HNRNPL: variants seen among roughly 807,000 people sequenced by gnomAD.
The protein encoded by HNRNPL is heterogeneous nuclear ribonucleoprotein L.
In HNRNPL, 12 loss-of-function variants were observed where a neutral mutation model predicts 64.0. The ratio of observed to expected loss-of-function variants is 0.19; its 90% CI spans 0.12 to 0.30. HNRNPL has a LOEUF of 0.30. Among genes scored for constraint, HNRNPL ranks in the 10% least tolerant of loss-of-function variants. HNRNPL has a pLI of 1.00. For missense variants in HNRNPL, 484 were observed against 797.4 expected, an observed-to-expected ratio of 0.61 and a Z score of 4.73; for synonymous variants, 385 against 313.0, an observed-to-expected ratio of 1.23 and a Z score of -2.43.
chr19:38,850,762 A>G (rs967317368), upstream of HNRNPL, among the ~76,000 whole-genome samples: 1 of 152,188 alleles, frequency 6.6e-6, no homozygotes, highest in Non-Finnish European at 1.5e-5. Context: ...TCTAGGAGGA[A>G]TTGTTAAAAT....
intron 1 of HNRNPL, chr19:38,847,679 A>C (rs1325054878): frequency 3.5e-6 from 1 of 285,438 alleles, no homozygotes; most frequent in African/African-American, 2.2e-5. Flanking sequence ...TGAGGAAGGT[A>C]TAACGGAGGG....
At chr19:38,851,727 G>A (rs1422274607), upstream of HNRNPL, among the ~76,000 whole-genome samples, 1 of 152,182 alleles carries the variant, frequency 6.6e-6, no homozygotes, top group Non-Finnish European at 1.5e-5. Flanking sequence ...TCGCGCCCCT[G>A]CACTCCAGCG....
At chr19:38,846,171 A>C in intron 2 of HNRNPL, 81 bp from the exon 3 acceptor site, 1 of 1,048,322 alleles carries the variant, frequency 9.5e-7, no homozygotes, top group South Asian at 1.3e-5. Flanking sequence ...TTGAGAACTG[A>C]CTCCTCCATG....
At chr19:38,848,689 C>T (rs1015622623) in intron 1 of HNRNPL, among the ~76,000 whole-genome samples, 1 of 152,226 alleles carries the variant, frequency 6.6e-6, no homozygotes, top group African/African-American at 2.4e-5. Flanking sequence ...CTAACTCCAG[C>T]CCTGCCCCTC....
chr19:38,851,505 G>C (rs1165698259), upstream of HNRNPL, among the ~76,000 whole-genome samples: 3 of 152,250 alleles, frequency 2.0e-5, no homozygotes, highest in African/African-American at 4.8e-5. Context: ...TAAAAGCGAA[G>C]CTAGCGTCGT....
At position 38,840,088 on chromosome 19, in the gene HNRNPL, C is replaced by A; in HGVS notation, c.1233+8G>T. 6.2e-7 allele frequency: 1 copy of A among 1,613,178 alleles called. No individual in the cohort carries two copies. The highest frequency in any genetic ancestry group is 1.7e-5 in the Admixed American group (1 of 60,006). On this transcript the variant is annotated splice_region_variant and intron_variant, in intron 8 of 12. Coordinates refer to ENST00000221419, the MANE Select transcript of HNRNPL (RefSeq NM_001533.3). ...GCGAGGAACCCAGGGGGCCCGGCAG[C>A]AGCTCACCTTCTCCACATTGCCATA...
chr19:38,850,709 A>C (rs1406813501), upstream of HNRNPL, among the ~76,000 whole-genome samples: 4 of 152,198 alleles, frequency 2.6e-5, no homozygotes, highest in Non-Finnish European at 5.9e-5. Context: ...AGGAACTCCC[A>C]GGGTATCTCT....
intron 1 of HNRNPL, among the ~76,000 whole-genome samples, chr19:38,848,501 G>T (rs1015656979): frequency 5.9e-5 from 9 of 152,250 alleles, no homozygotes; most frequent in African/African-American, 1.4e-4. Context: ...CTGGTCATCA[G>T]GAGAAAGATT....
At chr19:38,851,388 C>T (rs968349575), upstream of HNRNPL, among the ~76,000 whole-genome samples, 1 of 152,194 alleles carries the variant, frequency 6.6e-6, no homozygotes, top group Non-Finnish European at 1.5e-5. Flanking sequence ...CCCGGGATCC[C>T]GTCCTACGGC....
Position 38,836,730 on chromosome 19 carries a change from C to T in HNRNPL, c.1762G>A (p.Ala588Thr), listed in dbSNP as rs565321846. Residue 588 changes from alanine (A) to threonine (T), a missense_variant, in exon 13 of 13, where the codon GCC (alanine) becomes ACC (threonine). Transcript: ENST00000221419. The stretch of plus-strand genomic sequence containing the variant: ...TCTTCCTAGGCACCTAATTAGGAGG[C>T]GTGCTGAGCAGTGGAGAAACACAAC... ...LKLCFSTAQH[A>T]S is the part of the protein sequence containing the mutation. 7 of 1,608,272 alleles carry T rather than the reference C, an allele frequency of 4.4e-6. No individual in the cohort carries two copies. Among genetic ancestry groups the T allele is most frequent in the East Asian group, 2.2e-5 (1 of 44,678 alleles).
rs994141826 is a variant in HNRNPL at position 38,838,840 on chromosome 19, C to T, written c.1355+54G>A. The T allele has an allele frequency of 7.4e-6, 12 of 1,610,914 alleles. No individual in the cohort carries two copies. In the South Asian group the frequency reaches 1.2e-4, roughly 16 times the overall value. On this transcript the variant is annotated intron_variant, in intron 9 of 12. Coordinates refer to ENST00000221419, the MANE Select transcript of HNRNPL (RefSeq NM_001533.3). The stretch of plus-strand genomic sequence containing the variant: ...TGTGCTCCTCTGCTGGGCCCCATTC[C>T]CCTCCTTTTCTCTCCCCTGTACCTC...
At chr19:38,845,555 TG>T in intron 4 of HNRNPL, 94 bp downstream of exon 4, 1 of 979,448 alleles carries the variant, frequency 1.0e-6, no homozygotes, top group Non-Finnish European at 1.6e-6. Flanking sequence ...GCCACTCCCG[TG>T]GTCAGCAGAC....
At chr19:38,849,533 C>T (rs1972428419) in intron 1 of HNRNPL, among the ~76,000 whole-genome samples, 167 bp downstream of exon 1, 1 of 152,268 alleles carries the variant, frequency 6.6e-6, no homozygotes, top group South Asian at 2.1e-4. Context: ...CGCCTGTCCT[C>T]GCGCAAACCC....
intron 4 of HNRNPL, 110 bp downstream of exon 4, chr19:38,845,540 T>C (rs1206221093): frequency 1.2e-6 from 1 of 842,956 alleles, no homozygotes; most frequent in Non-Finnish European, 2.0e-6. Context: ...ATCTGGCACA[T>C]GGCAGCCACT....
At chr19:38,840,720 G>A in intron 6 of HNRNPL, 161 bp from the exon 7 acceptor site, 5 of 647,240 alleles carry the variant, frequency 7.7e-6, no homozygotes, top group Middle Eastern at 4.0e-4. Flanking sequence ...CCTACGGCGG[G>A]CATGAAGCCC....
Position 38,849,709 on chromosome 19 carries a change from GCCGCCGC to G in HNRNPL, c.251_257del (p.Gly84AlafsTer24). 1 of 1,358,954 alleles carries G rather than the reference GCCGCCGC, an allele frequency of 7.4e-7. No individual in the cohort carries two copies. The highest frequency in any genetic ancestry group is 9.4e-7 in the Non-Finnish European group (1 of 1,065,484). The allele number at this position is 1,358,954 out of a possible 1,614,324, so 84.2% of individuals were successfully genotyped here. ...AGGGCCCTGGCCTCACCCCACCGCC[GCCGCCGC>G]CCGCCGCCCCGGCTCCTCCACCGCC... On this transcript the variant is annotated frameshift_variant, in exon 1 of 13. Coordinates refer to ENST00000221419, the MANE Select transcript of HNRNPL (RefSeq NM_001533.3). LOFTEE classifies it high-confidence loss of function.
At position 38,843,071 on chromosome 19, in the gene HNRNPL, T is replaced by TG. The variant is rs3837928; in HGVS notation, c.880+770dup. ...CGAGCAAGACAGGCCTGCCTAGGAA[T>TG]GGGGGGCTCTGGCCTCTCAGGGCCT... On this transcript the variant is annotated intron_variant, in intron 6 of 12. Transcript: ENST00000221419. 9.5e-3 allele frequency among the ~76,000 whole-genome samples: 1,444 copies of TG among 152,178 alleles called. 62 individuals carry two copies. The East Asian group carries it at 0.12, about 13-fold the overall frequency.
At chr19:38,841,291 T>C (rs1972109548) in intron 6 of HNRNPL, 3 of 330,606 alleles carry the variant, frequency 9.1e-6, no homozygotes, top group Non-Finnish European at 1.8e-5. Context: ...TCACAGCTTC[T>C]GAAATTCCTC....
Position 38,844,111 on chromosome 19 carries a change from C to T in HNRNPL, c.711-7G>A, listed in dbSNP as rs377566147. The T allele has an allele frequency of 1.4e-5, 22 of 1,595,094 alleles. No homozygotes were observed. The highest frequency in any genetic ancestry group is 1.7e-5 in the Non-Finnish European group (20 of 1,162,670). ...ACTTTGAACTGAGTCAAATGTGAGT[C>T]AAGTTAAGGAAAGTCCCATCACAGG... On this transcript the variant is annotated splice_region_variant and splice_polypyrimidine_tract_variant and intron_variant, in intron 4 of 12. Transcript: ENST00000221419.
Sources: gnomAD v4.1 joint callset for allele counts (sites outside exome capture counted in the v4.1 genomes callset) on GRCh38, gnomAD v4.1.1 for gene constraint, MANE v1.5 for transcripts, NCBI Gene and HGNC (gene_info 2026-07-23, HGNC 2026-07-21) for gene names.